Variants in UVRAG observed in about 807,000 individuals in gnomAD.
UVRAG encodes the protein UV radiation resistance associated.
Under a neutral mutation model 78.0 loss-of-function variants are expected in UVRAG, and 19 were observed. The observed-to-expected ratio is 0.24, with a 90% confidence interval of 0.17 to 0.36. The LOEUF (loss-of-function observed/expected upper bound fraction) is 0.36. Ranked by LOEUF, UVRAG falls within the 10% of genes least tolerant of loss-of-function variation. UVRAG has a pLI of 1.00. For synonymous variants in UVRAG, 323 were observed against 324.6 expected, an observed-to-expected ratio of 1.00 and a Z score of 0.05; for missense variants, 740 against 853.8, an observed-to-expected ratio of 0.87 and a Z score of 1.66.
chr11:75,835,506 C>A (rs1184843478), intron 1 of UVRAG, among the ~76,000 whole-genome samples: 1 of 152,118 alleles, frequency 6.6e-6, no homozygotes, highest in East Asian at 1.9e-4. Flanking sequence ...GCCTGTTTCC[C>A]CTTCCATAAA....
rs539642269 is a variant in UVRAG, at chr11:75,886,842, C to T, written c.433-1987C>T. ...CTTGAACTTTCACTTAAAACCTTCA[C>T]GGCAGAAGAATTTTTTTTTTTTTTG... On this transcript the variant is annotated intron_variant, in intron 4 of 14. Coordinates refer to ENST00000356136, the MANE Select transcript of UVRAG (RefSeq NM_003369.4). 1.0e-3 allele frequency among the ~76,000 whole-genome samples: 149 copies of T among 148,212 alleles called. 1 individual carries two copies. Among genetic ancestry groups the T allele is most frequent in the African/African-American group, 3.6e-3 (138 of 38,014 alleles).
At chr11:76,073,213 A>G (rs901634985) in intron 13 of UVRAG, among the ~76,000 whole-genome samples, 2 of 152,206 alleles carry the variant, frequency 1.3e-5, no homozygotes, top group African/African-American at 4.8e-5. Context: ...GAGAATATGC[A>G]TAAATCACTT....
At chr11:75,899,225 G>A (rs1947427679) in intron 5 of UVRAG, among the ~76,000 whole-genome samples, 1 of 151,802 alleles carries the variant, frequency 6.6e-6, no homozygotes, top group Non-Finnish European at 1.5e-5. Context: ...TTAAATCCAG[G>A]GTAAAATTTT....
At chr11:76,064,135 TG>T (rs1473516547) in intron 12 of UVRAG, among the ~76,000 whole-genome samples, 1 of 152,218 alleles carries the variant, frequency 6.6e-6, no homozygotes, top group Non-Finnish European at 1.5e-5. Context: ...TGTTGAAGCT[TG>T]GTTTTCAATG....
intron 13 of UVRAG, among the ~76,000 whole-genome samples, chr11:76,076,515 G>A (rs1176427574): frequency 2.0e-5 from 3 of 152,100 alleles, no homozygotes; most frequent in Non-Finnish European, 4.4e-5. Context: ...ACCTCCCACT[G>A]GGTCCCTCCC....
At chr11:76,040,487 G>A (rs1260588098) in intron 12 of UVRAG, among the ~76,000 whole-genome samples, 14 of 150,434 alleles carry the variant, frequency 9.3e-5, no homozygotes, top group Non-Finnish European at 1.6e-4. Context: ...AAAAAAAAAA[G>A]GAAAGAAAGA....
chr11:76,003,499 G>A (rs369984239), intron 8 of UVRAG, among the ~76,000 whole-genome samples: 20 of 152,030 alleles, frequency 1.3e-4, no homozygotes, highest in Middle Eastern at 3.4e-3. Flanking sequence ...GGGATTACAG[G>A]CATGAGCCAC....
intron 12 of UVRAG, among the ~76,000 whole-genome samples, chr11:76,055,389 GTTTA>G (rs1231160916): frequency 8.5e-5 from 13 of 152,088 alleles, no homozygotes; most frequent in Non-Finnish European, 1.2e-4. Context: ...CCTTTTGTTT[GTTTA>G]TTTATGTTGT....
chr11:75,973,913 C>A (rs1388212846), intron 7 of UVRAG, among the ~76,000 whole-genome samples: 1 of 152,172 alleles, frequency 6.6e-6, no homozygotes, highest in African/African-American at 2.4e-5. Flanking sequence ...GCATAGTATT[C>A]CATGGTGTAT....
intron 13 of UVRAG, among the ~76,000 whole-genome samples, chr11:76,093,241 T>C (rs1220148200): frequency 6.6e-6 from 1 of 152,232 alleles, no homozygotes; most frequent in Non-Finnish European, 1.5e-5. Flanking sequence ...ACCAGTACCA[T>C]GCTGTTTTGG....
intron 3 of UVRAG, among the ~76,000 whole-genome samples, chr11:75,877,896 C>T (rs1404343275): frequency 6.8e-6 from 1 of 148,148 alleles, no homozygotes; most frequent in Non-Finnish European, 1.5e-5. Context: ...GACGGGGCGG[C>T]TGGCCTGGCG....
chr11:75,867,456 T>G (rs1369113988), intron 3 of UVRAG, among the ~76,000 whole-genome samples: 2 of 152,228 alleles, frequency 1.3e-5, no homozygotes, highest in Non-Finnish European at 2.9e-5. Context: ...ATTTATTTTT[T>G]GGGACGTATT....
intron 8 of UVRAG, among the ~76,000 whole-genome samples, chr11:75,995,442 C>A (rs1308259617): frequency 1.4e-5 from 2 of 139,474 alleles, no homozygotes; most frequent in Non-Finnish European, 3.1e-5. Context: ...AAGTTGTTGC[C>A]AAAATAAATA....
intron 8 of UVRAG, among the ~76,000 whole-genome samples, chr11:75,992,513 G>A (rs1032644761): frequency 6.6e-6 from 1 of 152,176 alleles, no homozygotes; most frequent in Non-Finnish European, 1.5e-5. Flanking sequence ...AGGAGAAAGA[G>A]TGCTGCTGTT....
intron 10 of UVRAG, 139 bp from the exon 11 acceptor site, chr11:76,008,668 C>T: frequency 2.1e-6 from 1 of 480,818 alleles, no homozygotes. Context: ...ACCATGTACT[C>T]ATCATCCAGC....
chr11:75,843,411 C>T (rs746747490), intron 1 of UVRAG, among the ~76,000 whole-genome samples: 37 of 152,168 alleles, frequency 2.4e-4, no homozygotes, highest in Non-Finnish European at 3.2e-4. Context: ...CCTTAATAAA[C>T]CTTACAGTAT....
At position 75,983,405 on chromosome 11, in the gene UVRAG, C is replaced by T. The variant is rs745397313; in HGVS notation, c.718C>T (p.Leu240=). 5.6e-6 allele frequency: 9 copies of T among 1,597,848 alleles called. No individual in the cohort carries two copies. The South Asian group carries it at 9.2e-5, about 16-fold the overall frequency. Reference sequence around the variant, plus strand: ...TATTTAGAAAAAAAAAAGTGAATGCCTGCAGTTAAAAATTTTGGTGCTTCA... The same window carrying T: ...TATTTAGAAAAAAAAAAGTGAATGCTTGCAGTTAAAAATTTTGGTGCTTCA... The part of the protein sequence containing the change: ...SNELKKKSEC[L]QLKILVLQNE... Residue 240 remains leucine, a synonymous_variant, in exon 8 of 15, where the codon CTG becomes TTG. Coordinates refer to ENST00000356136, the MANE Select transcript of UVRAG (RefSeq NM_003369.4).
chr11:75,988,394 TC>T (rs1949541797), intron 8 of UVRAG, among the ~76,000 whole-genome samples: 1 of 152,244 alleles, frequency 6.6e-6, no homozygotes, highest in South Asian at 2.1e-4. Flanking sequence ...TGGCTCTTTT[TC>T]ACTTAGCATA....
intron 8 of UVRAG, among the ~76,000 whole-genome samples, chr11:75,996,350 C>T (rs1452787895): frequency 1.3e-5 from 2 of 152,056 alleles, no homozygotes; most frequent in Non-Finnish European, 2.9e-5. Context: ...TATTTTTCTG[C>T]ATATATGCCT....
Sources: allele counts gnomAD v4.1 joint callset (sites outside exome capture counted in the v4.1 genomes callset), GRCh38; gene constraint gnomAD v4.1.1; transcripts MANE v1.5; gene names NCBI Gene and HGNC (gene_info 2026-07-23, HGNC 2026-07-21).